ATP10A: variants seen among roughly 807,000 people sequenced by gnomAD.
ATP10A encodes phospholipid-transporting ATPase VA.
A neutral mutation model predicts 147.8 loss-of-function variants in ATP10A; 111 were observed. That is an observed-to-expected ratio of 0.75 (90% CI 0.64 to 0.88). ATP10A has a LOEUF of 0.88. Among genes scored for constraint, ATP10A ranks in the 40% least tolerant of loss-of-function variants. The pLI, the probability that ATP10A is intolerant of heterozygous loss-of-function variation, is 0.00. For synonymous variants in ATP10A, 875 were observed against 841.6 expected, an observed-to-expected ratio of 1.04 and a Z score of -0.69; for missense variants, 1,927 against 1,959.0, an observed-to-expected ratio of 0.98 and a Z score of 0.31.
chr15:25,728,102 T>C (rs1902698381), intron 3 of ATP10A, among the ~76,000 whole-genome samples: 1 of 152,274 alleles, frequency 6.6e-6, no homozygotes, highest in African/African-American at 2.4e-5. Flanking sequence ...TCCGAGAGGC[T>C]ACCTTTTCAC....
At chr15:25,861,980 G>A (rs895171698) in intron 1 of ATP10A, 1 of 322,446 alleles carries the variant, frequency 3.1e-6, no homozygotes, top group Non-Finnish European at 6.1e-6. Context: ...CCCTGGTACT[G>A]CCCGTGGCAG....
chr15:25,740,595 G>T (rs1468247112), intron 2 of ATP10A, among the ~76,000 whole-genome samples: 1 of 152,212 alleles, frequency 6.6e-6, no homozygotes, highest in Non-Finnish European at 1.5e-5. Flanking sequence ...TTCCCTTCAT[G>T]ATACTCCCAG....
At chr15:25,705,704 G>A (rs1482016071) in intron 12 of ATP10A, among the ~76,000 whole-genome samples, 1 of 152,158 alleles carries the variant, frequency 6.6e-6, no homozygotes, top group Non-Finnish European at 1.5e-5. Context: ...GTGGGAGGAA[G>A]GTCGATTTAC....
At chr15:25,702,179 C>G (rs1900708647) in intron 12 of ATP10A, 79 bp from the exon 13 acceptor site, 1 of 1,411,926 alleles carries the variant, frequency 7.1e-7, no homozygotes, top group Non-Finnish European at 9.7e-7. Context: ...ATGTCATGCA[C>G]CAGATACACC....
rs1229353778 is a variant in ATP10A, at chr15:25,862,944, C to G, written c.153G>C (p.Arg51=). Residue 51 remains arginine (R), a synonymous_variant, in exon 1 of 21, where the codon CGG becomes CGC. Transcript: ENST00000555815. ...AAGAAKGERR[R]RRGCAQHLAD... is the part of the protein sequence containing the mutation. Reference sequence around the variant, plus strand: ...CCAGGTGCTGGGCACACCCGCGCCGCCGTCGCCGCTCGCCCTTGGCCGCGC... The same window carrying G: ...CCAGGTGCTGGGCACACCCGCGCCGGCGTCGCCGCTCGCCCTTGGCCGCGC... 3.2e-6 allele frequency: 5 copies of G among 1,573,324 alleles called. No homozygotes were observed. The African/African-American group carries it at 7.0e-5, about 22-fold the overall frequency.
chr15:25,680,333 G>A (rs1290395837), intron 19 of ATP10A, 25 bp from the exon 20 acceptor site: 1 of 1,604,526 alleles, frequency 6.2e-7, no homozygotes, highest in South Asian at 1.1e-5. Context: ...GAAAGAAAGG[G>A]CTTTTATTTC....
At chr15:25,695,259 C>T in intron 13 of ATP10A, 113 bp from the exon 14 acceptor site, 2 of 974,986 alleles carry the variant, frequency 2.1e-6, no homozygotes, top group South Asian at 1.7e-5. Context: ...GGCTGCAGTA[C>T]CCGCCTGCCC....
chr15:25,734,949 G>A (rs1460604202), intron 3 of ATP10A, among the ~76,000 whole-genome samples: 1 of 148,942 alleles, frequency 6.7e-6, no homozygotes, highest in Non-Finnish European at 1.5e-5. Flanking sequence ...TAGAAATGGG[G>A]CCACTTCCAG....
chr15:25,707,884 C>T (rs1423487437), intron 12 of ATP10A, 92 bp downstream of exon 12: 31 of 1,529,842 alleles, frequency 2.0e-5, no homozygotes, highest in East Asian at 1.4e-4. Context: ...GGCCAGCCTG[C>T]GGAGCAGCCG....
intron 1 of ATP10A, among the ~76,000 whole-genome samples, chr15:25,806,697 A>G (rs373770532): frequency 4.5e-4 from 68 of 152,292 alleles, no homozygotes; most frequent in Non-Finnish European, 8.5e-4. Context: ...ACAAAATATG[A>G]GTTAATCGAC....
At chr15:25,799,660 G>C (rs1890845916) in intron 1 of ATP10A, among the ~76,000 whole-genome samples, 1 of 152,134 alleles carries the variant, frequency 6.6e-6, no homozygotes, top group African/African-American at 2.4e-5. Flanking sequence ...TTGAGCCCAG[G>C]AGGTCGCGGC....
chr15:25,791,995 AT>A (rs886108497), intron 1 of ATP10A, among the ~76,000 whole-genome samples: 66 of 150,000 alleles, frequency 4.4e-4, no homozygotes, highest in Admixed American at 1.9e-3. Flanking sequence ...AGTGCAGAGT[AT>A]TTTTTTTTTA....
chr15:25,817,084 GTTTTT>G (rs1891691701), intron 1 of ATP10A, among the ~76,000 whole-genome samples: 1 of 151,742 alleles, frequency 6.6e-6, no homozygotes, highest in Non-Finnish European at 1.5e-5. Flanking sequence ...GTTTTGTTTT[GTTTTT>G]GTTTTTTTCT....
intron 14 of ATP10A, 77 bp from the exon 15 acceptor site, chr15:25,691,868 T>G: frequency 6.4e-7 from 1 of 1,571,788 alleles, no homozygotes; most frequent in Non-Finnish European, 8.8e-7. Flanking sequence ...TAGATTTTCT[T>G]GGGAGTCCCC....
intron 1 of ATP10A, among the ~76,000 whole-genome samples, chr15:25,803,568 C>G (rs1165457557): frequency 6.6e-6 from 1 of 152,216 alleles, no homozygotes; most frequent in Non-Finnish European, 1.5e-5. Context: ...TCCCCAGATG[C>G]AGCCTCAAGT....
At position 25,845,060 on chromosome 15, in the gene ATP10A, C is replaced by T. The variant is rs79336373; in HGVS notation, c.449+17588G>A. 1.0e-3 allele frequency among the ~76,000 whole-genome samples: 156 copies of T among 152,328 alleles called. 1 individual carries two copies. The East Asian group carries it at 0.025, about 24-fold the overall frequency. On this transcript the variant is annotated intron_variant, in intron 1 of 20. Transcript: ENST00000555815. Reference sequence around the variant, plus strand: ...TGGTTCTCCACAAATCCCCCCCAAACACCAGGAGAAAGTGTGTGATGAGGT... The same window carrying T: ...TGGTTCTCCACAAATCCCCCCCAAATACCAGGAGAAAGTGTGTGATGAGGT...
At chr15:25,844,550 A>G (rs1017676129) in intron 1 of ATP10A, among the ~76,000 whole-genome samples, 4 of 152,192 alleles carry the variant, frequency 2.6e-5, no homozygotes, top group Non-Finnish European at 2.9e-5. Flanking sequence ...AAAACTCTCC[A>G]TTTTCCTGTG....
In ATP10A at chr15:25,714,150, C is replaced by T; in HGVS notation, c.1868G>A (p.Ser623Asn). 1 of 1,611,198 alleles carries T rather than the reference C, an allele frequency of 6.2e-7. No homozygotes were observed. Among genetic ancestry groups the T allele is most frequent in the South Asian group, 1.1e-5 (1 of 91,084 alleles). ...GTTGGCGGCCAGGCTCCCGATGCTG[C>T]TGCAGCCTGAGGTCAGGCAGCTGGG... is the stretch of plus-strand genomic sequence containing the variant. ...FTPSCLTSGC[S>N]SIGSLAANKS... Residue 623 changes from serine to asparagine, a missense_variant, in exon 10 of 21, where the codon AGC (serine) becomes AAC (asparagine). Coordinates refer to ENST00000555815, the MANE Select transcript of ATP10A (RefSeq NM_024490.4).
rs189760822 is a variant in ATP10A at position 25,752,014 on chromosome 15, C to A, written c.655-15873G>T. On this transcript the variant is annotated intron_variant, in intron 2 of 20. Coordinates refer to ENST00000555815, the MANE Select transcript of ATP10A (RefSeq NM_024490.4). ...TTATTACCAAAAAGATAAAAGATAT[C>A]AAATGTTGATGAGGATGTGAACAAA... is the stretch of plus-strand genomic sequence containing the variant. 4.2e-4 allele frequency among the ~76,000 whole-genome samples: 64 copies of A among 152,158 alleles called. 2 individuals are homozygous for A. The East Asian group carries it at 8.9e-3, about 21-fold the overall frequency.
Sources: allele counts gnomAD v4.1 joint callset (sites outside exome capture counted in the v4.1 genomes callset), GRCh38; gene constraint gnomAD v4.1.1; transcripts MANE v1.5; gene names NCBI Gene and HGNC (gene_info 2026-07-23, HGNC 2026-07-21).